LRRC37A2: variants seen among roughly 807,000 people sequenced by gnomAD.
The protein encoded by LRRC37A2 is leucine-rich repeat-containing protein 37A2.
Under a neutral mutation model 68.8 loss-of-function variants are expected in LRRC37A2, and 9 were observed. That is an observed-to-expected ratio of 0.13 (90% CI 0.08 to 0.23). LRRC37A2 has a LOEUF of 0.23. LRRC37A2 is among the 10% of genes least tolerant of loss of function. The pLI is 1.00. For missense variants in LRRC37A2, 168 were observed against 950.4 expected, an observed-to-expected ratio of 0.18 and a Z score of 10.82; for synonymous variants, 63 against 367.6, an observed-to-expected ratio of 0.17 and a Z score of 9.48.
the LRRC37A2 span, among the ~76,000 whole-genome samples, chr17:46,599,898 C>T: frequency 8.8e-6 from 1 of 114,188 alleles, no homozygotes; most frequent in Non-Finnish European, 1.7e-5. Flanking sequence ...AAAAATAGAA[C>T]ATTACAGATC....
the LRRC37A2 span, among the ~76,000 whole-genome samples, chr17:46,845,198 T>A: frequency 1.3e-5 from 2 of 152,208 alleles, no homozygotes; most frequent in Non-Finnish European, 2.9e-5. Context: ...CTGTGTGGAA[T>A]GCCTTTCTGT....
chr17:46,860,573 G>A, the LRRC37A2 span, among the ~76,000 whole-genome samples: 1 of 152,320 alleles, frequency 6.6e-6, no homozygotes, highest in African/African-American at 2.4e-5. Context: ...GATCTCTTAG[G>A]CTTGTTGTAA....
At chr17:46,775,580 T>TTTAGA in the LRRC37A2 span, among the ~76,000 whole-genome samples, 1 of 151,120 alleles carries the variant, frequency 6.6e-6, no homozygotes, top group Non-Finnish European at 1.5e-5. Context: ...GAGCTTTTTC[T>TTTAGA]AAAGAGAAAG....
chr17:46,934,333 T>C, the LRRC37A2 span, among the ~76,000 whole-genome samples: 1 of 152,106 alleles, frequency 6.6e-6, no homozygotes, highest in Non-Finnish European at 1.5e-5. Flanking sequence ...TGAAACCCTG[T>C]CTCTACCAAA....
the LRRC37A2 span, chr17:46,948,726 A>G: frequency 1.3e-5 from 2 of 152,200 alleles, no homozygotes; most frequent in African/African-American, 4.8e-5. Flanking sequence ...ATACTGATCT[A>G]AGGAGCTTAA....
chr17:46,896,349 GAA>G, the LRRC37A2 span, among the ~76,000 whole-genome samples: 1 of 139,812 alleles, frequency 7.2e-6, no homozygotes, highest in African/African-American at 2.7e-5. Context: ...GAGAAAGAAA[GAA>G]AGAAAAAGAA....
the LRRC37A2 span, among the ~76,000 whole-genome samples, chr17:46,775,611 T>C: frequency 1.4e-5 from 2 of 142,758 alleles, no homozygotes; most frequent in South Asian, 4.6e-4. Context: ...CAGAAGTTCT[T>C]TTTTTTTTTT....
chr17:46,980,715 C>T, the LRRC37A2 span, among the ~76,000 whole-genome samples: 15,181 of 147,872 alleles, frequency 0.1, 869 homozygotes, highest in South Asian at 0.23. Flanking sequence ...CGCCTGTAGT[C>T]CCAGCTACTC....
At chr17:46,726,615 G>A in the LRRC37A2 span, 9 of 1,613,342 alleles carry the variant, frequency 5.6e-6, no homozygotes, top group South Asian at 2.2e-5. Context: ...GAGATTGCTT[G>A]GTGAGTCCTA....
At chr17:46,937,829 T>G in the LRRC37A2 span, 2 of 152,514 alleles carry the variant, frequency 1.3e-5, no homozygotes, top group Non-Finnish European at 2.9e-5. Flanking sequence ...GTTTGTTCAT[T>G]CATCTTGTGA....
chr17:46,932,863 G>A, the LRRC37A2 span: 1 of 152,496 alleles, frequency 6.6e-6, no homozygotes, highest in Admixed American at 6.5e-5. Flanking sequence ...AATGAAGTGT[G>A]CTTTGGCTTT....
the LRRC37A2 span, chr17:46,729,066 C>G: frequency 1.6e-5 from 9 of 576,370 alleles, no homozygotes; most frequent in South Asian, 2.5e-4. Flanking sequence ...TTTGAAAGGT[C>G]GTCCAGTCTT....
At chr17:46,952,115 A>C in the LRRC37A2 span, among the ~76,000 whole-genome samples, 3 of 152,120 alleles carry the variant, frequency 2.0e-5, no homozygotes, top group African/African-American at 7.2e-5. Context: ...TATTCCAGAA[A>C]ATTCTTATAG....
the LRRC37A2 span, among the ~76,000 whole-genome samples, chr17:46,789,524 C>G: frequency 6.6e-6 from 1 of 152,186 alleles, no homozygotes; most frequent in African/African-American, 2.4e-5. Context: ...CAGGAAGGCC[C>G]CAACCTTCCC....
At chr17:46,834,216 T>C in the LRRC37A2 span, among the ~76,000 whole-genome samples, 1 of 151,982 alleles carries the variant, frequency 6.6e-6, no homozygotes, top group African/African-American at 2.4e-5. Flanking sequence ...AAAGAAAATG[T>C]CTTACTTCCA....
the LRRC37A2 span, among the ~76,000 whole-genome samples, chr17:46,816,475 GCACACACACACACACACACA>G: frequency 4.2e-5 from 6 of 144,244 alleles, no homozygotes; most frequent in East Asian, 4.3e-4. Flanking sequence ...CAGAACACAC[GCACACACACACACACACACA>G]CACACACACA....
At chr17:46,953,000 C>T in the LRRC37A2 span, among the ~76,000 whole-genome samples, 1 of 151,834 alleles carries the variant, frequency 6.6e-6, no homozygotes, top group African/African-American at 2.4e-5. Context: ...GACTCTGAGC[C>T]CCCCAAATTC....
the LRRC37A2 span, among the ~76,000 whole-genome samples, chr17:46,687,381 T>C: frequency 3.3e-5 from 5 of 151,334 alleles, no homozygotes; most frequent in African/African-American, 7.3e-5. Context: ...TTTAATCTTA[T>C]CATGCTAGAA....
the LRRC37A2 span, among the ~76,000 whole-genome samples, chr17:46,747,728 G>T: frequency 6.6e-6 from 1 of 152,172 alleles, no homozygotes; most frequent in African/African-American, 2.4e-5. Flanking sequence ...GTATTAGAAA[G>T]AGAAAGAAAT....
Sources: gnomAD v4.1 joint callset for allele counts (sites outside exome capture counted in the v4.1 genomes callset) on GRCh38, gnomAD v4.1.1 for gene constraint, MANE v1.5 for transcripts, NCBI Gene and HGNC (gene_info 2026-07-23, HGNC 2026-07-21) for gene names.